Variants in CHID1 observed in about 807,000 individuals in gnomAD.
CHID1 encodes the protein chitinase domain-containing protein 1.
CHID1 carries 44 observed loss-of-function variants against 55.4 expected under a neutral mutation model. The observed-to-expected ratio is 0.79, with a 90% CI of 0.62 to 1.02. CHID1 has a LOEUF of 1.02. Among genes scored for constraint, CHID1 ranks in the 50% least tolerant of loss-of-function variants. CHID1 has a pLI of 0.00. For synonymous variants in CHID1, 216 were observed against 212.9 expected (o/e 1.01, Z -0.13); for missense variants, 491 against 515.3 (o/e 0.95, Z 0.46).
chr11:908,421 C>G (rs1400168722), intron 1 of CHID1: 1 of 212,372 alleles, frequency 4.7e-6, no homozygotes, highest in African/African-American at 2.4e-5. Context: ...CTGCTGCCAC[C>G]TCCCCTTAGC....
chr11:877,213 C>T (rs1031788538), intron 10 of CHID1, among the ~76,000 whole-genome samples: 14 of 152,172 alleles, frequency 9.2e-5, no homozygotes, highest in Non-Finnish European at 4.4e-5. Flanking sequence ...CCCCAAACCC[C>T]CTAGCCAATT....
intron 10 of CHID1, among the ~76,000 whole-genome samples, chr11:878,610 A>G (rs2134143227): frequency 6.6e-6 from 1 of 152,254 alleles, no homozygotes; most frequent in South Asian, 2.1e-4. Flanking sequence ...AGTTTCAGGT[A>G]TTCTGTTATA....
upstream of CHID1, among the ~76,000 whole-genome samples, chr11:913,419 T>C (rs1361925467): frequency 6.6e-6 from 1 of 152,148 alleles, no homozygotes; most frequent in East Asian, 1.9e-4. Context: ...TTGTTTGAAA[T>C]GTTGAAAATT....
upstream of CHID1, among the ~76,000 whole-genome samples, chr11:913,855 A>G (rs925326926): frequency 2.0e-5 from 3 of 152,118 alleles, no homozygotes; most frequent in African/African-American, 2.4e-5. Flanking sequence ...GCTTGAGCCC[A>G]GGAGTTTGAA....
chr11:889,579 G>A (rs1458181417), intron 8 of CHID1, among the ~76,000 whole-genome samples: 1 of 152,124 alleles, frequency 6.6e-6, no homozygotes, highest in African/African-American at 2.4e-5. Flanking sequence ...CCTCCATTCA[G>A]CTGACCTCCC....
chr11:895,165 A>T (rs1851169445), intron 7 of CHID1, among the ~76,000 whole-genome samples: 1 of 152,094 alleles, frequency 6.6e-6, no homozygotes. Context: ...ATGCCTGGGG[A>T]AGCTGACCCT....
chr11:878,711 TTTTAA>T (rs1158135887), intron 10 of CHID1, among the ~76,000 whole-genome samples: 1 of 152,182 alleles, frequency 6.6e-6, no homozygotes, highest in Non-Finnish European at 1.5e-5. Context: ...ATTCTTTTTT[TTTTAA>T]TTTGAGACAG....
intron 10 of CHID1, chr11:882,887 G>C (rs1850090176): frequency 2.4e-6 from 1 of 418,362 alleles, no homozygotes; most frequent in East Asian, 3.9e-5. Context: ...GACGGGTGGG[G>C]GAAGCCTCAG....
chr11:890,454 C>T (rs752329762), intron 8 of CHID1, among the ~76,000 whole-genome samples: 1 of 152,222 alleles, frequency 6.6e-6, no homozygotes, highest in Non-Finnish European at 1.5e-5. Context: ...TGGCCAGGGT[C>T]GCGGCCCCGC....
At chr11:912,913 G>T (rs1852779842), upstream of CHID1, among the ~76,000 whole-genome samples, 1 of 151,948 alleles carries the variant, frequency 6.6e-6, no homozygotes, top group African/African-American at 2.4e-5. Context: ...TTAGGAAGAT[G>T]CTGAATGATA....
chr11:910,902 GC>G, upstream of CHID1: 1 of 980,998 alleles, frequency 1.0e-6, no homozygotes, highest in South Asian at 2.4e-5. Flanking sequence ...GAGGGGCTGG[GC>G]CAGGACAGGG....
chr11:886,624 G>A (rs1432164151), intron 8 of CHID1, among the ~76,000 whole-genome samples: 3 of 152,216 alleles, frequency 2.0e-5, no homozygotes, highest in Admixed American at 6.5e-5. Context: ...CCTATGAGAA[G>A]AGACACCACA....
intron 2 of CHID1, among the ~76,000 whole-genome samples, chr11:904,078 G>C (rs1852028188): frequency 6.6e-6 from 1 of 152,190 alleles, no homozygotes; most frequent in Non-Finnish European, 1.5e-5. Context: ...TGTCTCTTCT[G>C]TCCACACTCT....
intron 7 of CHID1, among the ~76,000 whole-genome samples, chr11:894,639 G>C (rs567181095): frequency 5.3e-5 from 8 of 152,186 alleles, no homozygotes; most frequent in African/African-American, 1.7e-4. Context: ...CCACCCCTTA[G>C]GGGATGACAG....
chr11:908,659 G>GA, intron 1 of CHID1: 8 of 972,856 alleles, frequency 8.2e-6, no homozygotes, highest in Non-Finnish European at 9.8e-6. Context: ...GGTCAGGGAG[G>GA]AAGGAAAGGA....
At chr11:903,576 T>A in intron 2 of CHID1, 1 of 210,634 alleles carries the variant, frequency 4.7e-6, no homozygotes, top group South Asian at 6.3e-5. Context: ...AGATCAGGAG[T>A]TGGAGACCAG....
intron 3 of CHID1, among the ~76,000 whole-genome samples, chr11:902,695 G>C (rs569374413): frequency 6.6e-6 from 1 of 152,114 alleles, no homozygotes; most frequent in Non-Finnish European, 1.5e-5. Context: ...TCCACTTCCT[G>C]ACCCCAGACG....
intron 10 of CHID1, among the ~76,000 whole-genome samples, chr11:876,128 G>A (rs987282527): frequency 1.1e-4 from 16 of 152,258 alleles, no homozygotes; most frequent in Middle Eastern, 3.4e-3. Flanking sequence ...AGCTGATGTC[G>A]CCAGAGCTCA....
rs1371749218 is a variant in CHID1 at position 875,102 on chromosome 11, A to C, written c.960-4603T>G. 2.0e-5 allele frequency among the ~76,000 whole-genome samples: 3 copies of C among 152,196 alleles called. No individual in the cohort carries two copies. The highest frequency in any genetic ancestry group is 7.2e-5 in the African/African-American group (3 of 41,450). On this transcript the variant is annotated intron_variant, in intron 10 of 12. Coordinates refer to ENST00000323578, the MANE Select transcript of CHID1 (RefSeq NM_023947.4). This position sits in a 1 kb window ranked among gnomAD's most constrained non-coding sequence, Gnocchi z 4.7. ...GCTCGGGCCAGGGCTGCTGTGAGCA[A>C]TGGTGAGGCCCCCAGTGCCAGGCCC... is the stretch of plus-strand genomic sequence containing the variant.
Sources: allele counts gnomAD v4.1 joint callset (sites outside exome capture counted in the v4.1 genomes callset), GRCh38; gene constraint gnomAD v4.1.1; non-coding constraint Gnocchi (gnomAD v3.1); transcripts MANE v1.5; gene names NCBI Gene and HGNC (gene_info 2026-07-23, HGNC 2026-07-21).